Variants in SAXO1 observed in about 807,000 individuals in gnomAD.
SAXO1 encodes the protein stabilizer of axonemal microtubules 1, also known as 4930500O09Rik.
SAXO1 carries 21 observed loss-of-function variants against 17.5 expected under a neutral mutation model. The ratio of observed to expected loss-of-function variants is 1.20; its 90% CI spans 0.85 to 1.72. The LOEUF (loss-of-function observed/expected upper bound fraction) is 1.72, where lower values mean the gene tolerates loss of function less well. Among genes scored for constraint, SAXO1 ranks in the 40% most tolerant of loss-of-function variants. The pLI is 0.00. For missense variants in SAXO1, 843 were observed against 596.0 expected (o/e 1.41, Z -4.32); for synonymous variants, 274 against 216.5 (o/e 1.27, Z -2.33).
At chr9:19,047,186 CAAAACAAAAACA>C (rs1217584409) in intron 1 of SAXO1, among the ~76,000 whole-genome samples, 4 of 152,138 alleles carry the variant, frequency 2.6e-5, no homozygotes, top group Admixed American at 1.3e-4. Flanking sequence ...GACTCCATCT[CAAAACAAAAACA>C]AAAACAAAAA....
chr9:18,934,743 T>G (rs1183955840), intron 3 of SAXO1, among the ~76,000 whole-genome samples: 1 of 152,198 alleles, frequency 6.6e-6, no homozygotes, highest in Non-Finnish European at 1.5e-5. Flanking sequence ...TACAATTTTT[T>G]TGTGTAAAAC....
chr9:18,968,274 G>T (rs1417413106), intron 1 of SAXO1, among the ~76,000 whole-genome samples: 1 of 151,780 alleles, frequency 6.6e-6, no homozygotes, highest in African/African-American at 2.4e-5. Flanking sequence ...CGAACTCTTG[G>T]GCTCAAGCAA....
At chr9:19,009,872 G>A (rs1407009358) in intron 1 of SAXO1, among the ~76,000 whole-genome samples, 1 of 150,796 alleles carries the variant, frequency 6.6e-6, no homozygotes, top group Non-Finnish European at 1.5e-5. Flanking sequence ...TGTCACCCAG[G>A]CTAAAGTGCA....
intron 1 of SAXO1, among the ~76,000 whole-genome samples, chr9:18,969,723 T>G (rs1251839655): frequency 6.6e-6 from 1 of 152,242 alleles, no homozygotes; most frequent in African/African-American, 2.4e-5. Flanking sequence ...GAACAATTTG[T>G]GAAACACACT....
Position 19,011,566 on chromosome 9 carries a change from C to T in SAXO1, c.38+21305G>A, listed in dbSNP as rs115857186. Among the ~76,000 whole-genome samples, 1,030 of 152,304 alleles carry T rather than the reference C, an allele frequency of 6.8e-3. 11 individuals are homozygous for T. The highest frequency in any genetic ancestry group is 0.023 in the African/African-American group (973 of 41,564). On this transcript the variant is annotated intron_variant, in intron 1 of 3. Transcript: ENST00000380534. ...GTAGGGCCCAAGGCTAAGTCAACAT[C>T]CTATCGGCAAATTGGTGGAAAGTAG...
chr9:19,000,139 T>C (rs1834195045), intron 1 of SAXO1, among the ~76,000 whole-genome samples: 1 of 150,636 alleles, frequency 6.6e-6, no homozygotes, highest in Non-Finnish European at 1.5e-5. Flanking sequence ...TGTCCCACTG[T>C]CTGGGAAGTG....
intron 1 of SAXO1, among the ~76,000 whole-genome samples, chr9:18,967,274 G>T (rs983424763): frequency 2.2e-4 from 34 of 152,210 alleles, no homozygotes; most frequent in African/African-American, 8.2e-4. Flanking sequence ...CTCGACAGCT[G>T]TCCTGGGAGA....
rs1312097998 is a variant in SAXO1, at chr9:19,028,023, G to A, written c.38+4848C>T. 4.4e-6 allele frequency: 7 copies of A among 1,607,930 alleles called. No homozygotes were observed. The African/African-American group carries it at 5.3e-5, about 12-fold the overall frequency. On this transcript the variant is annotated intron_variant, in intron 1 of 3. Transcript: ENST00000380534. ...AGTGCAAGGCTGTGTCTGTGGAGGCGGGTATGATCGCACTGCGCAGGGGTG... is the reference window on the plus strand; with the variant it reads ...AGTGCAAGGCTGTGTCTGTGGAGGCAGGTATGATCGCACTGCGCAGGGGTG...
At chr9:19,041,248 A>G (rs1471885148) in intron 1 of SAXO1, among the ~76,000 whole-genome samples, 3 of 152,090 alleles carry the variant, frequency 2.0e-5, no homozygotes, top group East Asian at 1.9e-4. Flanking sequence ...TGGAAGTGAA[A>G]GAGCTCTACA....
At chr9:19,030,864 ATG>A (rs1835734904) in intron 1 of SAXO1, among the ~76,000 whole-genome samples, 1 of 152,214 alleles carries the variant, frequency 6.6e-6, no homozygotes, top group Non-Finnish European at 1.5e-5. Context: ...GTTGAGATTA[ATG>A]AGACAGATGG....
chr9:18,975,902 G>A (rs893957601), intron 1 of SAXO1, among the ~76,000 whole-genome samples: 17 of 152,078 alleles, frequency 1.1e-4, no homozygotes, highest in Admixed American at 2.6e-4. Flanking sequence ...CAAGAGAGAT[G>A]TAAGTTTCAC....
chr9:18,986,643 G>A (rs541659544), intron 1 of SAXO1, among the ~76,000 whole-genome samples: 7 of 152,020 alleles, frequency 4.6e-5, no homozygotes, highest in East Asian at 1.9e-4. Context: ...CCTCATCATC[G>A]TGTCTACAAA....
intron 1 of SAXO1, among the ~76,000 whole-genome samples, chr9:19,007,300 T>G (rs1563977300): frequency 6.6e-6 from 1 of 152,038 alleles, no homozygotes; most frequent in Non-Finnish European, 1.5e-5. Context: ...TGAGCTGAGA[T>G]CGTGCCACTG....
chr9:19,018,379 T>C (rs1257529134), intron 1 of SAXO1, among the ~76,000 whole-genome samples: 1 of 152,134 alleles, frequency 6.6e-6, no homozygotes, highest in Non-Finnish European at 1.5e-5. Flanking sequence ...GGAACTGCCA[T>C]CGTTGGCAGG....
intron 3 of SAXO1, 104 bp downstream of exon 3, chr9:18,941,533 T>G (rs1831557255): frequency 7.5e-7 from 1 of 1,329,002 alleles, no homozygotes; most frequent in Admixed American, 1.8e-5. Context: ...GGAAGTAGTC[T>G]GCCAACTCTT....
intron 1 of SAXO1, among the ~76,000 whole-genome samples, chr9:18,965,318 T>C (rs2131773341): frequency 6.6e-6 from 1 of 152,338 alleles, no homozygotes; most frequent in Non-Finnish European, 1.5e-5. Flanking sequence ...CCTTGTTAAT[T>C]TTGTCTTGTT....
intron 3 of SAXO1, among the ~76,000 whole-genome samples, chr9:18,935,289 G>C (rs575454306): frequency 6.6e-6 from 1 of 152,268 alleles, no homozygotes; most frequent in Non-Finnish European, 1.5e-5. Context: ...AGAACTTTAA[G>C]CCAGTAAGGC....
chr9:19,001,827 T>G (rs536433335), intron 1 of SAXO1, among the ~76,000 whole-genome samples: 2 of 151,706 alleles, frequency 1.3e-5, no homozygotes, highest in Admixed American at 6.6e-5. Context: ...AACATCACAA[T>G]TAAAAGAACT....
At chr9:18,980,889 C>T (rs915405635) in intron 1 of SAXO1, among the ~76,000 whole-genome samples, 5 of 150,776 alleles carry the variant, frequency 3.3e-5, no homozygotes, top group Admixed American at 6.6e-5. Flanking sequence ...GGTATGTTAC[C>T]TTCCATTCTT....
Sources: gnomAD v4.1 joint callset for allele counts (sites outside exome capture counted in the v4.1 genomes callset) on GRCh38, gnomAD v4.1.1 for gene constraint, MANE v1.5 for transcripts, NCBI Gene and HGNC (gene_info 2026-07-23, HGNC 2026-07-21) for gene names.